Variants in KIRREL3 observed in about 807,000 individuals in gnomAD.
The protein encoded by KIRREL3 is kirre like nephrin family adhesion molecule 3.
In KIRREL3, 36 loss-of-function variants were observed where a neutral mutation model predicts 89.7. The observed-to-expected ratio is 0.40, with a 90% confidence interval of 0.31 to 0.53. KIRREL3 has a LOEUF of 0.53. Ranked by LOEUF, KIRREL3 falls within the 20% of genes least tolerant of loss-of-function variation. KIRREL3 has a pLI of 0.49. For missense variants in KIRREL3, 864 were observed against 1,056.6 expected, an observed-to-expected ratio of 0.82 and a Z score of 2.53; for synonymous variants, 445 against 441.4, an observed-to-expected ratio of 1.01 and a Z score of -0.10.
At chr11:126,632,279 A>G (rs1341068751) in intron 1 of KIRREL3, among the ~76,000 whole-genome samples, 1 of 152,220 alleles carries the variant, frequency 6.6e-6, no homozygotes, top group African/African-American at 2.4e-5. Context: ...CCTCAGATAC[A>G]GAAAGAATTG....
chr11:126,464,706 A>G (rs1014167482), intron 5 of KIRREL3, among the ~76,000 whole-genome samples: 1 of 152,196 alleles, frequency 6.6e-6, no homozygotes, highest in Non-Finnish European at 1.5e-5. Context: ...AAGGAATGCC[A>G]GGAGCTGCCA....
chr11:126,714,023 T>G (rs1485487811), intron 1 of KIRREL3, among the ~76,000 whole-genome samples: 1 of 152,056 alleles, frequency 6.6e-6, no homozygotes, highest in Non-Finnish European at 1.5e-5. Context: ...TGCATTCGTA[T>G]TGGGTAGAGC....
At chr11:126,577,890 T>C (rs1624845) in intron 1 of KIRREL3, among the ~76,000 whole-genome samples, 80,890 of 151,956 alleles carry the variant, frequency 0.53, 21,707 homozygotes, top group South Asian at 0.67. Flanking sequence ...CAAAAAGTGT[T>C]TTTGAGGTTA....
At chr11:126,856,691 C>T (rs1294706572) in intron 1 of KIRREL3, among the ~76,000 whole-genome samples, 1 of 151,630 alleles carries the variant, frequency 6.6e-6, no homozygotes, top group Non-Finnish European at 1.5e-5. Context: ...TCTCGGCTCA[C>T]TGCAAGCTCT....
chr11:126,607,635 T>G lies in KIRREL3; in HGVS notation c.56-44723A>C, dbSNP rs1942944534. On this transcript the variant is annotated intron_variant, in intron 1 of 16. Coordinates refer to ENST00000525144, the MANE Select transcript of KIRREL3 (RefSeq NM_032531.4). The surrounding 1 kb of genome is among the most constrained non-coding windows in gnomAD (Gnocchi z 6.6). Reference sequence around the variant, plus strand: ...AAGTGGCTTCCTCTGCCCTTTGAGTTGTAACACTTAGGGCAGCTGCTAGCG... The same window carrying G: ...AAGTGGCTTCCTCTGCCCTTTGAGTGGTAACACTTAGGGCAGCTGCTAGCG... 6.6e-6 allele frequency among the ~76,000 whole-genome samples: 1 copy of G among 152,170 alleles called. No individual in the cohort carries two copies. Among genetic ancestry groups the G allele is most frequent in the Non-Finnish European group, 1.5e-5 (1 of 68,018 alleles).
chr11:126,925,103 G>T (rs878902471), intron 1 of KIRREL3, among the ~76,000 whole-genome samples: 1 of 149,334 alleles, frequency 6.7e-6, no homozygotes, highest in Non-Finnish European at 1.5e-5. Context: ...AGGTCGGGGG[G>T]GGGGGGGGGC....
rs973271429 is a variant in KIRREL3, at chr11:126,854,564, T to C, written c.55+145891A>G. Reference sequence around the variant, plus strand: ...GCATGGGCCAGAATTTCCTTCCTTTTTAAAGCTGAATTATATTCTATTGTA... The same window carrying C: ...GCATGGGCCAGAATTTCCTTCCTTTCTAAAGCTGAATTATATTCTATTGTA... On this transcript the variant is annotated intron_variant, in intron 1 of 16. Coordinates refer to ENST00000525144, the MANE Select transcript of KIRREL3 (RefSeq NM_032531.4). Among the ~76,000 whole-genome samples the C allele has an allele frequency of 3.3e-5, 5 of 152,242 alleles. 1 individual carries two copies. Among genetic ancestry groups the C allele is most frequent in the African/African-American group, 1.2e-4 (5 of 41,472 alleles).
intron 1 of KIRREL3, among the ~76,000 whole-genome samples, chr11:126,851,697 T>C (rs1592223538): frequency 1.3e-5 from 2 of 152,156 alleles, no homozygotes; most frequent in South Asian, 4.1e-4. Flanking sequence ...TTTCCTAAAC[T>C]GCAGGATGCA....
rs1029637165 is a variant in KIRREL3 at position 126,639,547 on chromosome 11, C to G, written c.56-76635G>C. 6.6e-6 allele frequency among the ~76,000 whole-genome samples: 1 copy of G among 152,192 alleles called. No homozygotes were observed. Among genetic ancestry groups the G allele is most frequent in the Non-Finnish European group, 1.5e-5 (1 of 68,040 alleles). ...AAGAAGGCAGATGCTAACCAACCAC[C>G]AATTGCATCCCAGGACAGTTGCTGA... On this transcript the variant is annotated intron_variant, in intron 1 of 16. Transcript: ENST00000525144. This position sits in a 1 kb window ranked among gnomAD's most constrained non-coding sequence, Gnocchi z 4.3.
In KIRREL3 at chr11:126,734,797, G is replaced by T. The variant is rs1948747039; in HGVS notation, c.56-171885C>A. On this transcript the variant is annotated intron_variant, in intron 1 of 16. Coordinates refer to ENST00000525144, the MANE Select transcript of KIRREL3 (RefSeq NM_032531.4). The surrounding 1 kb of genome is among the most constrained non-coding windows in gnomAD (Gnocchi z 5.9). The stretch of plus-strand genomic sequence containing the variant: ...CACAGTGGTGGAGACTGATGAGCAG[G>T]TCAGAGAAGTTTTCGTTGGAGGGGT... 6.6e-6 allele frequency among the ~76,000 whole-genome samples: 1 copy of T among 152,222 alleles called. No individual in the cohort carries two copies. The highest frequency in any genetic ancestry group is 1.5e-5 in the Non-Finnish European group (1 of 68,036).
In KIRREL3 at chr11:126,615,974, G is replaced by C. The variant is rs1016539202; in HGVS notation, c.56-53062C>G. On this transcript the variant is annotated intron_variant, in intron 1 of 16. Coordinates refer to ENST00000525144, the MANE Select transcript of KIRREL3 (RefSeq NM_032531.4). This position sits in a 1 kb window ranked among gnomAD's most constrained non-coding sequence, Gnocchi z 5.4. ...CCCTGGGTGTGTGTGTGTGGGGTGC[G>C]TGGGTGGGGAGATGCATGACTGCTT... Among the ~76,000 whole-genome samples the C allele has an allele frequency of 6.6e-6, 1 of 152,136 alleles. No individual in the cohort carries two copies. Among genetic ancestry groups the C allele is most frequent in the East Asian group, 1.9e-4 (1 of 5,188 alleles).
chr11:126,798,826 G>A (rs1014037842), intron 1 of KIRREL3, among the ~76,000 whole-genome samples: 10 of 152,226 alleles, frequency 6.6e-5, no homozygotes, highest in African/African-American at 2.2e-4. Flanking sequence ...GAAAGAACAT[G>A]GGTTTGGGGT....
At chr11:126,839,164 T>C (rs751134694) in intron 1 of KIRREL3, among the ~76,000 whole-genome samples, 6 of 152,168 alleles carry the variant, frequency 3.9e-5, no homozygotes, top group Non-Finnish European at 7.4e-5. Flanking sequence ...GAAATTTCCA[T>C]ATGCTGCTGA....
At chr11:126,861,378 A>G (rs1944699442) in intron 1 of KIRREL3, among the ~76,000 whole-genome samples, 1 of 152,112 alleles carries the variant, frequency 6.6e-6, no homozygotes, top group Non-Finnish European at 1.5e-5. Context: ...GACCACCCAG[A>G]AGACTCAGCT....
chr11:126,840,453 A>T (rs1349207919), intron 1 of KIRREL3, among the ~76,000 whole-genome samples: 4 of 152,164 alleles, frequency 2.6e-5, no homozygotes, highest in African/African-American at 4.8e-5. Context: ...TTGGGGATGG[A>T]GTTAGAAAAT....
In KIRREL3 at chr11:126,990,485, G is replaced by C. The variant is rs1255426085; in HGVS notation, c.55+9970C>G. On this transcript the variant is annotated intron_variant, in intron 1 of 16. Transcript: ENST00000525144. The surrounding 1 kb of genome is among the most constrained non-coding windows in gnomAD (Gnocchi z 6.3). Reference sequence around the variant, plus strand: ...CAGCCACTAGGCTTTCCCCTTCCCCGTCCTAAGGGACCTCCCGGGCTCTGC... The same window carrying C: ...CAGCCACTAGGCTTTCCCCTTCCCCCTCCTAAGGGACCTCCCGGGCTCTGC... Among the ~76,000 whole-genome samples, 3 of 151,024 alleles carry C rather than the reference G, an allele frequency of 2.0e-5. No individual in the cohort carries two copies. Among genetic ancestry groups the C allele is most frequent in the Non-Finnish European group, 4.4e-5 (3 of 67,862 alleles).
At chr11:126,589,822 C>T (rs1942052802) in intron 1 of KIRREL3, among the ~76,000 whole-genome samples, 1 of 152,186 alleles carries the variant, frequency 6.6e-6, no homozygotes, top group South Asian at 2.1e-4. Flanking sequence ...TGCCACCTCA[C>T]CTGACCTTGC....
chr11:126,826,850 G>T (rs746566960), intron 1 of KIRREL3, among the ~76,000 whole-genome samples: 3 of 152,190 alleles, frequency 2.0e-5, no homozygotes, highest in Non-Finnish European at 2.9e-5. Context: ...CAAAACAAAT[G>T]TTGTCATTAG....
chr11:126,813,321 G>C (rs866329094), intron 1 of KIRREL3, among the ~76,000 whole-genome samples: 1 of 152,116 alleles, frequency 6.6e-6, no homozygotes, highest in Non-Finnish European at 1.5e-5. Flanking sequence ...ATGTTCACTA[G>C]TCCAAAGCAC....
Sources: gnomAD v4.1 joint callset for allele counts (sites outside exome capture counted in the v4.1 genomes callset) on GRCh38, gnomAD v4.1.1 for gene constraint, Gnocchi (gnomAD v3.1) non-coding constraint, MANE v1.5 for transcripts, NCBI Gene and HGNC (gene_info 2026-07-23, HGNC 2026-07-21) for gene names.